Variants in LARP4B observed in about 807,000 individuals in gnomAD.
LARP4B encodes la-related protein 4B.
A neutral mutation model predicts 89.8 loss-of-function variants in LARP4B; 12 were observed. The ratio of observed to expected loss-of-function variants is 0.13; its 90% CI spans 0.09 to 0.22. The LOEUF is 0.22. Ranked by LOEUF, LARP4B falls within the 10% of genes least tolerant of loss-of-function variation. The pLI is 1.00. For missense variants in LARP4B, 757 were observed against 947.7 expected (o/e 0.80, Z 2.64); for synonymous variants, 367 against 363.3 (o/e 1.01, Z -0.12).
chr10:885,015 C>T lies in LARP4B; in HGVS notation c.82-509G>A, dbSNP rs573548290. ...CTAAGCTACCTCTACATTTTTCAGA[C>T]TGATGGGGCTCAGGACTTTCTCCCC... On this transcript the variant is annotated intron_variant, in intron 2 of 17. Transcript: ENST00000316157. 2.0e-5 allele frequency among the ~76,000 whole-genome samples: 3 copies of T among 152,286 alleles called. No individual in the cohort carries two copies. In the East Asian group the frequency reaches 5.8e-4, roughly 29 times the overall value.
intron 11 of LARP4B, among the ~76,000 whole-genome samples, chr10:826,354 A>G (rs542973007): frequency 6.6e-6 from 1 of 152,288 alleles, no homozygotes; most frequent in East Asian, 1.9e-4. Context: ...ACCCCGACAC[A>G]AGTCCTGCTC....
At chr10:863,092 T>C (rs564647191) in intron 5 of LARP4B, among the ~76,000 whole-genome samples, 3 of 152,320 alleles carry the variant, frequency 2.0e-5, no homozygotes, top group East Asian at 1.9e-4. Flanking sequence ...GGGGCCTCAA[T>C]TGCCCCTACC....
chr10:813,150 G>C lies in LARP4B; in HGVS notation c.1993C>G (p.Pro665Ala). 6.2e-7 allele frequency: 1 copy of C among 1,613,994 alleles called. No individual in the cohort carries two copies. The highest frequency in any genetic ancestry group is 8.5e-7 in the Non-Finnish European group (1 of 1,179,984). ...TTTTGTTCTTTTTGGGGTTGCAATG[G>C]GGAAGAAGGAGGCTCTTTACTCGTT... ...QRTSKEPPSS[P>A]LQPQKEQKPN... is the part of the protein sequence containing the mutation. The change falls in exon 18 of 18, where the codon CCA (proline) becomes GCA (alanine). Residue 665 changes from proline (P) to alanine (A), a missense_variant. Pro to Ala is a conservative substitution (Grantham distance 27). Around this residue, in one of 5 missense-constraint regions of LARP4B, gnomAD observed 387 missense variants for 423.6 expected, o/e 0.91. Transcript: ENST00000316157.
the LARP4B span, among the ~76,000 whole-genome samples, chr10:959,772 T>A: frequency 8.8e-5 from 2 of 22,670 alleles, no homozygotes; most frequent in Admixed American, 5.8e-4. Flanking sequence ...CTCCCCGTCA[T>A]TCCCACCTCC....
At chr10:984,285 C>T in the LARP4B span, among the ~76,000 whole-genome samples, 2 of 152,136 alleles carry the variant, frequency 1.3e-5, no homozygotes, top group African/African-American at 4.8e-5. Flanking sequence ...TTAAGAAATT[C>T]TGCCTGCAGA....
the LARP4B span, among the ~76,000 whole-genome samples, chr10:964,561 T>C: frequency 6.6e-6 from 1 of 152,120 alleles, no homozygotes; most frequent in African/African-American, 2.4e-5. Flanking sequence ...AAAACTGGAA[T>C]GTGCTGAAGT....
rs1834805961 is a variant in LARP4B, at chr10:864,711, T to C, written c.142-441A>G. ...GCTCACACCTGTAATCCCAGCACTT[T>C]GGGAGGCCAAGGCGGGCGGATCACC... On this transcript the variant is annotated intron_variant, in intron 3 of 17. Transcript: ENST00000316157. Among the ~76,000 whole-genome samples, 4 of 152,310 alleles carry C rather than the reference T, an allele frequency of 2.6e-5. No homozygotes were observed. The South Asian group carries it at 8.3e-4, about 32-fold the overall frequency.
rs190680414 is a variant in LARP4B, at chr10:825,750, G to A, written c.1232+14C>T. 2.1e-5 allele frequency: 33 copies of A among 1,592,882 alleles called. No homozygotes were observed. Among genetic ancestry groups the A allele is most frequent in the African/African-American group, 1.2e-4 (9 of 74,628 alleles). ...CGTAAAGACCAAAACTGCTAAGACC[G>A]CCCCGGAACTTGCCTGCTTCGAGGA... On this transcript the variant is annotated intron_variant, in intron 12 of 17. Coordinates refer to ENST00000316157, the MANE Select transcript of LARP4B (RefSeq NM_015155.3).
At chr10:871,928 T>C (rs1163643900) in intron 3 of LARP4B, among the ~76,000 whole-genome samples, 3 of 152,196 alleles carry the variant, frequency 2.0e-5, no homozygotes, top group Non-Finnish European at 4.4e-5. Context: ...CTCCGGGTCA[T>C]CACTCCCTGC....
intron 1 of LARP4B, among the ~76,000 whole-genome samples, chr10:914,238 T>C (rs1020574054): frequency 1.3e-5 from 2 of 152,154 alleles, no homozygotes; most frequent in African/African-American, 4.8e-5. Flanking sequence ...TTGTAGTTAA[T>C]ATACGTAATT....
chr10:911,621 A>G (rs755917581), intron 1 of LARP4B, among the ~76,000 whole-genome samples: 3 of 152,196 alleles, frequency 2.0e-5, no homozygotes, highest in Non-Finnish European at 4.4e-5. Flanking sequence ...AGAAATCTAG[A>G]GGACACTTCT....
chr10:867,171 A>G (rs2131856542), intron 3 of LARP4B, among the ~76,000 whole-genome samples: 1 of 152,340 alleles, frequency 6.6e-6, no homozygotes, highest in Admixed American at 6.5e-5. Context: ...TGTTCAATCA[A>G]TGCTGTGACT....
intron 1 of LARP4B, among the ~76,000 whole-genome samples, chr10:908,530 C>T (rs1156554275): frequency 1.3e-5 from 2 of 149,516 alleles, no homozygotes; most frequent in South Asian, 2.1e-4. Context: ...GGGATGAGCC[C>T]TCATTCTGTG....
rs566858193 is a variant in LARP4B at position 844,996 on chromosome 10, A to G, written c.490T>C (p.Leu164=). The change falls in exon 6 of 18, where the codon TTG becomes CTG. Residue 164 remains leucine (L), a synonymous_variant. Transcript: ENST00000316157. ...CCTTACCTAGATAAGCAGAATTCCA[A>G]TGTTTTTTTAAGTACTTCTCGGGGG... The part of the protein sequence containing the change: ...EDPREVLKKT[L]EFCLSRENLA... 3.2e-5 allele frequency: 52 copies of G among 1,611,836 alleles called. No individual in the cohort carries two copies. Among genetic ancestry groups the G allele is most frequent in the African/African-American group, 1.2e-4 (9 of 74,834 alleles).
chr10:909,454 G>C (rs1305118049), intron 1 of LARP4B, among the ~76,000 whole-genome samples: 2 of 152,012 alleles, frequency 1.3e-5, no homozygotes, highest in Non-Finnish European at 2.9e-5. Context: ...TTAAAATATA[G>C]TGAATGTCCC....
intron 1 of LARP4B, among the ~76,000 whole-genome samples, chr10:897,289 T>G (rs751499379): frequency 6.6e-5 from 10 of 152,210 alleles, no homozygotes; most frequent in Non-Finnish European, 1.3e-4. Flanking sequence ...AGAACAATCT[T>G]GTCAACAAAT....
intron 5 of LARP4B, among the ~76,000 whole-genome samples, chr10:848,857 C>T (rs541788383): frequency 3.3e-5 from 5 of 152,224 alleles, no homozygotes; most frequent in South Asian, 4.2e-4. Flanking sequence ...CACCAGAAAC[C>T]GCCATGACAT....
chr10:915,577 G>A (rs1317920691), intron 1 of LARP4B, among the ~76,000 whole-genome samples: 1 of 152,146 alleles, frequency 6.6e-6, no homozygotes, highest in Non-Finnish European at 1.5e-5. Context: ...GGCCAAGGTG[G>A]GTGGATCACG....
chr10:911,033 C>T (rs924123976), intron 1 of LARP4B, among the ~76,000 whole-genome samples: 4 of 152,196 alleles, frequency 2.6e-5, no homozygotes, highest in Non-Finnish European at 5.9e-5. Flanking sequence ...TTGGACTTTA[C>T]AATCTGAGCA....
Sources: gnomAD v4.1 joint callset for allele counts (sites outside exome capture counted in the v4.1 genomes callset) on GRCh38, gnomAD v4.1.1 for gene constraint, gnomAD v4.1.1 regional missense constraint, MANE v1.5 for transcripts, NCBI Gene and HGNC (gene_info 2026-07-23, HGNC 2026-07-21) for gene names.